The following ABCC4 variants were observed in gnomAD, a reference collection of about 807,000 sequenced individuals.
ABCC4 encodes ATP-binding cassette sub-family C member 4.
ABCC4 carries 102 observed loss-of-function variants against 168.5 expected under a neutral mutation model. The ratio of observed to expected loss-of-function variants is 0.61; its 90% CI spans 0.52 to 0.71. ABCC4 has a LOEUF of 0.71. Among genes scored for constraint, ABCC4 ranks in the 30% least tolerant of loss-of-function variants. The pLI is 0.00. For synonymous variants in ABCC4, 617 were observed against 590.7 expected (o/e 1.04, Z -0.65); for missense variants, 1,402 against 1,605.8 (o/e 0.87, Z 2.17).
At chr13:95,156,819 G>A (rs548467372) in intron 19 of ABCC4, among the ~76,000 whole-genome samples, 8 of 152,200 alleles carry the variant, frequency 5.3e-5, no homozygotes, top group South Asian at 4.2e-4. Flanking sequence ...TTGGCAGGGC[G>A]CGGTAGCTCA....
Position 95,218,966 on chromosome 13 carries a change from AAAGAAAGAAAGAAAG to A in ABCC4, c.532-8200_532-8186del, listed in dbSNP as rs2039220206. On this transcript the variant is annotated intron_variant, in intron 4 of 30. Coordinates refer to ENST00000645237, the MANE Select transcript of ABCC4 (RefSeq NM_005845.5). ...GAAAGAAAGAAAGAAAGAAAGAAAG[AAAGAAAGAAAGAAAG>A]AAAGAGTGAGAAAGAAAGAAAGAGT... Among the ~76,000 whole-genome samples, 4 of 40,644 alleles carry A rather than the reference AAAGAAAGAAAGAAAG, an allele frequency of 9.8e-5. No homozygotes were observed. The East Asian group carries it at 1.6e-3, about 16-fold the overall frequency. 26.7% of individuals were successfully genotyped at this position (40,644 alleles called of 152,430 possible).
At position 95,043,694 on chromosome 13, in the gene ABCC4, G is replaced by T. The variant is rs11568640; in HGVS notation, c.3723C>A (p.Ser1241Arg). The T allele has an allele frequency of 9.3e-6, 15 of 1,611,058 alleles. No individual in the cohort carries two copies. The East Asian group carries it at 3.3e-4, about 36-fold the overall frequency. ...IAHRLNTIID[S>R]DKIMVLDSGR... ...GTGAAGGACTCACCATTATCTTGTC[G>T]CTGTCAATAATGGTGTTCAATCTGT... is the stretch of plus-strand genomic sequence containing the variant. The change falls in exon 29 of 31, where the codon AGC becomes AGA. Residue 1241 changes from serine (S) to arginine (R), a missense_variant. Around this residue, in one of 3 missense-constraint regions of ABCC4, gnomAD observed 1,007 missense variants for 1,127.3 expected, o/e 0.89. Coordinates refer to ENST00000645237, the MANE Select transcript of ABCC4 (RefSeq NM_005845.5).
chr13:95,056,765 T>C (rs117893536), intron 26 of ABCC4, among the ~76,000 whole-genome samples: 21 of 152,330 alleles, frequency 1.4e-4, no homozygotes, highest in Middle Eastern at 3.4e-3. Context: ...AATACCAAGA[T>C]AGCAGAAGTC....
intron 13 of ABCC4, among the ~76,000 whole-genome samples, chr13:95,176,223 C>CGGGGGGGGG (rs1491246023): frequency 9.5e-5 from 1 of 10,576 alleles, no homozygotes; most frequent in Non-Finnish European, 5.0e-4. Context: ...AAGCCGAGGG[C>CGGGGGGGGG]AGGGGGGGGG....
chr13:95,252,889 A>G (rs1245608418), intron 1 of ABCC4, among the ~76,000 whole-genome samples: 1 of 152,190 alleles, frequency 6.6e-6, no homozygotes, highest in African/African-American at 2.4e-5. Flanking sequence ...GTTTCCTTCC[A>G]TGAACTTTCT....
intron 30 of ABCC4, among the ~76,000 whole-genome samples, chr13:95,028,138 C>A (rs1487867509): frequency 6.6e-6 from 1 of 152,082 alleles, no homozygotes; most frequent in African/African-American, 2.4e-5. Flanking sequence ...GGACTGAAAA[C>A]CATAGCATCA....
At chr13:95,070,681 T>C (rs2033694768) in intron 25 of ABCC4, among the ~76,000 whole-genome samples, 1 of 152,010 alleles carries the variant, frequency 6.6e-6, no homozygotes, top group African/African-American at 2.4e-5. Flanking sequence ...GGTCATGGGA[T>C]CTGGGTCTTC....
chr13:95,099,763 C>T (rs991512413), intron 20 of ABCC4, among the ~76,000 whole-genome samples: 2 of 152,114 alleles, frequency 1.3e-5, no homozygotes, highest in South Asian at 2.1e-4. Flanking sequence ...GCGGCACTAT[C>T]GGCTTCATGA....
chr13:95,146,916 C>T (rs1186494904), intron 19 of ABCC4, among the ~76,000 whole-genome samples: 1 of 152,202 alleles, frequency 6.6e-6, no homozygotes. Flanking sequence ...CTCTGTCCTA[C>T]AACAGACCTC....
intron 19 of ABCC4, among the ~76,000 whole-genome samples, chr13:95,155,928 C>A (rs905077005): frequency 6.6e-6 from 1 of 152,144 alleles, no homozygotes; most frequent in Non-Finnish European, 1.5e-5. Context: ...ATTGTAGAGA[C>A]CTGATAAGAA....
intron 20 of ABCC4, among the ~76,000 whole-genome samples, chr13:95,090,355 A>G (rs2034391210): frequency 6.6e-6 from 1 of 152,188 alleles, no homozygotes; most frequent in Non-Finnish European, 1.5e-5. Context: ...GAACCGTCAC[A>G]GGGTCCATTG....
intron 26 of ABCC4, chr13:95,053,720 T>G (rs1391582937): frequency 6.3e-6 from 1 of 159,558 alleles, no homozygotes. Flanking sequence ...CTCACGCATG[T>G]AATCTTAGTA....
chr13:95,140,434 C>T lies in ABCC4; in HGVS notation c.2455+20755G>A, dbSNP rs3915418. 2.9e-3 allele frequency among the ~76,000 whole-genome samples: 444 copies of T among 152,290 alleles called. 3 individuals are homozygous for T. Among genetic ancestry groups the T allele is most frequent in the African/African-American group, 0.01 (421 of 41,562 alleles). On this transcript the variant is annotated intron_variant, in intron 19 of 30. Transcript: ENST00000645237. ...TTAATTCAAGCCACCAAAAACTGTA[C>T]CAGGGTAGTGGCCCTAAGAATCAAT...
chr13:95,099,223 CA>C (rs1310020082), intron 20 of ABCC4, among the ~76,000 whole-genome samples: 1 of 152,050 alleles, frequency 6.6e-6, no homozygotes, highest in African/African-American at 2.4e-5. Context: ...ACACAGAACT[CA>C]AAAACATGGT....
At chr13:95,270,071 G>A (rs886295162) in intron 1 of ABCC4, among the ~76,000 whole-genome samples, 8 of 152,136 alleles carry the variant, frequency 5.3e-5, no homozygotes, top group Admixed American at 3.3e-4. Flanking sequence ...GATAAAGGAA[G>A]GGAGGGAGGA....
intron 13 of ABCC4, among the ~76,000 whole-genome samples, 158 bp from the exon 14 acceptor site, chr13:95,170,786 A>G (rs1429244494): frequency 6.6e-6 from 1 of 152,238 alleles, no homozygotes; most frequent in Non-Finnish European, 1.5e-5. Context: ...AAAGCCGGCT[A>G]GGTCCTCAAA....
intron 1 of ABCC4, among the ~76,000 whole-genome samples, chr13:95,248,853 C>A (rs2040182655): frequency 1.3e-5 from 2 of 152,106 alleles, no homozygotes; most frequent in Admixed American, 1.3e-4. Context: ...TCGAGACCAG[C>A]CCGGCAAAAC....
At chr13:95,034,374 C>A (rs543967932) in intron 30 of ABCC4, among the ~76,000 whole-genome samples, 13 of 152,332 alleles carry the variant, frequency 8.5e-5, no homozygotes, top group African/African-American at 3.1e-4. Context: ...ACACGGCATG[C>A]ACACATGTGT....
rs142101424 is a variant in ABCC4, at chr13:95,276,638, G to C, written c.74+24603C>G. Among the ~76,000 whole-genome samples the C allele has an allele frequency of 7.7e-3, 1,175 of 152,266 alleles. 10 individuals carry two copies. Among genetic ancestry groups the C allele is most frequent in the Non-Finnish European group, 0.011 (745 of 68,030 alleles). ...CCCTCAAAGACACCAGAGTGCAATA[G>C]GCTCTTCCTCACTCATTCCCATGGG... On this transcript the variant is annotated intron_variant, in intron 1 of 30. Coordinates refer to ENST00000645237, the MANE Select transcript of ABCC4 (RefSeq NM_005845.5).
Sources: gnomAD v4.1 joint callset for allele counts (sites outside exome capture counted in the v4.1 genomes callset) on GRCh38, gnomAD v4.1.1 for gene constraint, gnomAD v4.1.1 regional missense constraint, MANE v1.5 for transcripts, NCBI Gene and HGNC (gene_info 2026-07-23, HGNC 2026-07-21) for gene names.